ST7: variants seen among roughly 807,000 people sequenced by gnomAD.
ST7 encodes suppression of tumorigenicity 7.
In ST7, 28 loss-of-function variants were observed where a neutral mutation model predicts 78.7. The observed-to-expected ratio is 0.36, with a 90% CI of 0.26 to 0.49. ST7 has a LOEUF of 0.49. Among genes scored for constraint, ST7 ranks in the 20% least tolerant of loss-of-function variants. ST7 has a pLI of 0.99. For synonymous variants in ST7, 247 were observed against 249.6 expected (o/e 0.99, Z 0.10); for missense variants, 418 against 696.0 (o/e 0.60, Z 4.49).
chr7:117,082,884 C>T (rs1283444649), intron 1 of ST7, among the ~76,000 whole-genome samples: 1 of 152,142 alleles, frequency 6.6e-6, no homozygotes, highest in Non-Finnish European at 1.5e-5. Flanking sequence ...TGGATTTTGC[C>T]TGCAGACTGC....
chr7:117,131,806 A>C, intron 5 of ST7, 79 bp from the exon 6 acceptor site: 1 of 1,276,154 alleles, frequency 7.8e-7, no homozygotes. Context: ...TGACACTCCT[A>C]ATTTAGCTCT....
intron 1 of ST7, among the ~76,000 whole-genome samples, chr7:117,035,029 G>C (rs944277416): frequency 6.6e-5 from 10 of 151,826 alleles, no homozygotes; most frequent in African/African-American, 2.2e-4. Flanking sequence ...TTACTGTGGT[G>C]TCGCAACATG....
chr7:117,180,315 G>A (rs1050657288), intron 10 of ST7, among the ~76,000 whole-genome samples: 9 of 152,150 alleles, frequency 5.9e-5, no homozygotes, highest in African/African-American at 2.2e-4. Flanking sequence ...AGGGGAACAG[G>A]TGGTGTGTAC....
intron 1 of ST7, among the ~76,000 whole-genome samples, chr7:117,092,050 A>G (rs1244407324): frequency 6.6e-6 from 1 of 152,106 alleles, no homozygotes; most frequent in Non-Finnish European, 1.5e-5. Context: ...TCTGCCACCA[A>G]CATAGAATCT....
In ST7 at chr7:117,219,356, C is replaced by T. The variant is rs1203392496; in HGVS notation, c.1498+180C>T. On this transcript the variant is annotated intron_variant, in intron 14 of 15. Transcript: ENST00000323984. The surrounding 1 kb of genome is among the most constrained non-coding windows in gnomAD (Gnocchi z 5.1). ...TGTGAGTGGGTTTGGCTTCCTTTTCCTCCAAGTCTCTCCAAATTTATCAAA... is the reference window on the plus strand; with the variant it reads ...TGTGAGTGGGTTTGGCTTCCTTTTCTTCCAAGTCTCTCCAAATTTATCAAA... Among the ~76,000 whole-genome samples the T allele has an allele frequency of 6.6e-6, 1 of 152,202 alleles. No homozygotes were observed. The highest frequency in any genetic ancestry group is 2.4e-5 in the African/African-American group (1 of 41,452).
chr7:117,171,568 T>C (rs550288991), intron 10 of ST7, among the ~76,000 whole-genome samples: 4 of 151,826 alleles, frequency 2.6e-5, no homozygotes, highest in South Asian at 2.1e-4. Flanking sequence ...CTCATGAACT[T>C]ATTCCATTTT....
intron 12 of ST7, among the ~76,000 whole-genome samples, chr7:117,196,624 CTTTTTTTTTTTTTTTT>C (rs56133709): frequency 5.0e-5 from 3 of 59,504 alleles, no homozygotes; most frequent in African/African-American, 1.3e-4. Flanking sequence ...GATTGTTGGG[CTTTTTTTTTTTTTTTT>C]TTTTTTTTTT....
At chr7:117,171,155 G>T (rs896806891) in intron 10 of ST7, among the ~76,000 whole-genome samples, 179 bp downstream of exon 10, 2 of 152,092 alleles carry the variant, frequency 1.3e-5, no homozygotes, top group African/African-American at 4.8e-5. Flanking sequence ...GGTTAGCAAG[G>T]ACCAGAAATG....
At chr7:116,975,238 C>T (rs925496152) in intron 1 of ST7, among the ~76,000 whole-genome samples, 4 of 152,076 alleles carry the variant, frequency 2.6e-5, no homozygotes, top group Admixed American at 6.5e-5. Flanking sequence ...CATCAGATCT[C>T]ATGAAACTTA....
chr7:117,110,792 C>T (rs1323642762), intron 2 of ST7, among the ~76,000 whole-genome samples: 1 of 152,246 alleles, frequency 6.6e-6, no homozygotes, highest in Non-Finnish European at 1.5e-5. Context: ...GAAGCCCCAA[C>T]AGCAATAAAG....
chr7:117,155,413 G>A (rs1002434391), intron 9 of ST7, among the ~76,000 whole-genome samples: 1 of 152,138 alleles, frequency 6.6e-6, no homozygotes, highest in African/African-American at 2.4e-5. Context: ...AACAGAGGAG[G>A]GATGAGATCT....
In ST7 at chr7:117,190,824, T is replaced by C; in HGVS notation, c.1152-10T>C. 1 of 1,613,420 alleles carries C rather than the reference T, an allele frequency of 6.2e-7. No individual in the cohort carries two copies. Among genetic ancestry groups the C allele is most frequent in the Non-Finnish European group, 8.5e-7 (1 of 1,179,614 alleles). On this transcript the variant is annotated splice_polypyrimidine_tract_variant and intron_variant, in intron 11 of 15. Transcript: ENST00000323984. This position sits in a 1 kb window ranked among gnomAD's most constrained non-coding sequence, Gnocchi z 5.2. ...CCCACCTGGATGGTTTTTGTCTTTC[T>C]GCTTTTCAGATTCTCTCCTGAGGCT...
chr7:117,202,473 T>C (rs1810967012), intron 12 of ST7, among the ~76,000 whole-genome samples: 1 of 152,210 alleles, frequency 6.6e-6, no homozygotes, highest in Admixed American at 6.5e-5. Flanking sequence ...TTGGTGTCTT[T>C]ACCCTAGCTA....
chr7:117,050,221 A>AAAAAAAAG (rs968201856), intron 1 of ST7, among the ~76,000 whole-genome samples: 1 of 151,872 alleles, frequency 6.6e-6, no homozygotes, highest in Non-Finnish European at 1.5e-5. Flanking sequence ...TCTCAAAAAA[A>AAAAAAAAG]AAAAAAAGAA....
At chr7:117,134,263 A>G in intron 7 of ST7, 71 bp downstream of exon 7, 1 of 1,601,748 alleles carries the variant, frequency 6.2e-7, no homozygotes, top group Non-Finnish European at 8.5e-7. Flanking sequence ...TGGATGGTTG[A>G]CACCCCCATC....
chr7:117,149,120 T>C (rs1806042086), intron 9 of ST7, among the ~76,000 whole-genome samples: 1 of 152,180 alleles, frequency 6.6e-6, no homozygotes, highest in South Asian at 2.1e-4. Flanking sequence ...TAAGAGCAGA[T>C]ACCCTGGTTA....
intron 1 of ST7, among the ~76,000 whole-genome samples, chr7:117,080,556 A>C (rs980343639): frequency 6.6e-6 from 1 of 152,176 alleles, no homozygotes; most frequent in Non-Finnish European, 1.5e-5. Context: ...AAATATTTTT[A>C]CATGCCTATT....
At chr7:117,058,267 C>T (rs978556614) in intron 1 of ST7, among the ~76,000 whole-genome samples, 1 of 152,046 alleles carries the variant, frequency 6.6e-6, no homozygotes, top group African/African-American at 2.4e-5. Context: ...CGGTTATTTC[C>T]TATAATGTTT....
chr7:117,129,563 G>A (rs1233874513), intron 3 of ST7, among the ~76,000 whole-genome samples: 31 of 151,816 alleles, frequency 2.0e-4, no homozygotes, highest in Admixed American at 2.0e-3. Flanking sequence ...TCTTGATTTG[G>A]CAAGTGAGGA....
Sources: allele counts gnomAD v4.1 joint callset (sites outside exome capture counted in the v4.1 genomes callset), GRCh38; gene constraint gnomAD v4.1.1; non-coding constraint Gnocchi (gnomAD v3.1); transcripts MANE v1.5; gene names NCBI Gene and HGNC (gene_info 2026-07-23, HGNC 2026-07-21).